Variants in CYP4A22 observed in about 807,000 individuals in gnomAD.
The protein encoded by CYP4A22 is cytochrome P450 4A22.
CYP4A22 carries 46 observed loss-of-function variants against 56.2 expected under a neutral mutation model. That is an observed-to-expected ratio of 0.82 (90% CI 0.65 to 1.05). The LOEUF (loss-of-function observed/expected upper bound fraction) is 1.05. Ranked by LOEUF, CYP4A22 falls within the 50% of genes least tolerant of loss-of-function variation. The pLI is 0.00. For missense variants in CYP4A22, 541 were observed against 645.9 expected (o/e 0.84, Z 1.76); for synonymous variants, 193 against 251.1 (o/e 0.77, Z 2.19).
rs769626452 is a variant in CYP4A22 at position 47,137,553 on chromosome 1, C to T, written c.68C>T (p.Ser23Phe). 1.2e-6 allele frequency: 2 copies of T among 1,614,218 alleles called. No individual in the cohort carries two copies. The highest frequency in any genetic ancestry group is 2.2e-5 in the South Asian group (2 of 91,084). The change falls in exon 1 of 12, where the codon TCC becomes TTC. Residue 23 changes from serine (S) to phenylalanine (F), a missense_variant. Transcript: ENST00000371891. ...GGVSGILQVT[S>F]LLILLLLLIK... The stretch of plus-strand genomic sequence containing the variant: ...GTCTCCGGGATCCTCCAAGTGACCT[C>T]CCTGCTCATTCTGCTTCTGCTGCTG...
chr1:47,140,381 T>C (rs1644994294), intron 1 of CYP4A22, among the ~76,000 whole-genome samples: 1 of 152,268 alleles, frequency 6.6e-6, no homozygotes, highest in African/African-American at 2.4e-5. Context: ...ATAACAAGTA[T>C]GATTATATAA....
intron 1 of CYP4A22, 132 bp downstream of exon 1, chr1:47,137,812 T>G: frequency 2.9e-6 from 4 of 1,395,320 alleles, no homozygotes; most frequent in Non-Finnish European, 3.8e-6. Context: ...CCAGCCTACC[T>G]CTCTGGTTTC....
In CYP4A22 at chr1:47,148,715, G is replaced by T. The variant is rs767886913; in HGVS notation, c.1478G>T (p.Arg493Leu). Residue 493 changes from arginine to leucine, a missense_variant, in exon 12 of 12, where the codon CGA (arginine) becomes CTA (leucine). Physicochemically the swap from Arg to Leu is moderately radical, Grantham distance 102 (BLOSUM62 -2). Around this residue, in one of 3 missense-constraint regions of CYP4A22, gnomAD observed 204 missense variants for 258.9 expected, o/e 0.79. Transcript: ENST00000371891. ...ACCAGGATCCCCATCCCCATGGCAC[G>T]ACTTGTGTTGAAATCCAAAAATGGA... ...DPTRIPIPMA[R>L]LVLKSKNGIH... 5.6e-6 allele frequency: 9 copies of T among 1,614,022 alleles called. No homozygotes were observed. The highest frequency in any genetic ancestry group is 6.8e-6 in the Non-Finnish European group (8 of 1,179,936).
At position 47,140,825 on chromosome 1, in the gene CYP4A22, A is replaced by G. The variant is rs192345500; in HGVS notation, c.241A>G (p.Thr81Ala). ...ACAACGGATTCAGGAACGGGTGAAG[A>G]CATTCCCAAGTGCCTGTCCTTATTG... ...ELQRIQERVK[T>A]FPSACPYWIW... Residue 81 changes from threonine (T) to alanine (A), a missense_variant, in exon 2 of 12, where the codon ACA becomes GCA. Transcript: ENST00000371891. The G allele has an allele frequency of 1.9e-6, 3 of 1,614,168 alleles. No individual in the cohort carries two copies. The highest frequency in any genetic ancestry group is 1.7e-5 in the Admixed American group (1 of 60,014).
chr1:47,141,416 T>C lies in CYP4A22; in HGVS notation c.338-155T>C, dbSNP rs551855179. On this transcript the variant is annotated intron_variant, in intron 2 of 11. Coordinates refer to ENST00000371891, the MANE Select transcript of CYP4A22 (RefSeq NM_001010969.4). The stretch of plus-strand genomic sequence containing the variant: ...CTGAGTCTGTCTTCCTGAGCCCACA[T>C]TGACCTTCAGGACAGAAATAGAAGT... 2.5e-4 allele frequency among the ~76,000 whole-genome samples: 38 copies of C among 152,306 alleles called. No homozygotes were observed. The South Asian group carries it at 4.4e-3, about 17-fold the overall frequency.
chr1:47,145,761 A>G, intron 9 of CYP4A22, 105 bp from the exon 10 acceptor site: 2 of 1,493,696 alleles, frequency 1.3e-6, no homozygotes, highest in Non-Finnish European at 9.1e-7. Context: ...GTGACAATTT[A>G]TAGAAAGTAG....
intron 3 of CYP4A22, among the ~76,000 whole-genome samples, 170 bp downstream of exon 3, chr1:47,141,785 A>G (rs1369924444): frequency 6.6e-6 from 1 of 152,136 alleles, no homozygotes; most frequent in East Asian, 1.9e-4. Context: ...TGCTGGTGCA[A>G]ACCTTCCTGA....
At chr1:47,140,675 A>G (rs764552337) in intron 1 of CYP4A22, 105 bp from the exon 2 acceptor site, 361 of 1,520,126 alleles carry the variant, frequency 2.4e-4, no homozygotes, top group Non-Finnish European at 3.2e-4. Context: ...ACAGATCTAA[A>G]TCCCTAACCC....
In CYP4A22 at chr1:47,144,953, G is replaced by T. The variant is rs148459778; in HGVS notation, c.1205G>T (p.Gly402Val). The stretch of plus-strand genomic sequence containing the variant: ...AGCACTCCCGTCACCTTCCCTGATG[G>T]GCGCTCCTTGCCCAAAGGTATGAAG... ...ELSTPVTFPD[G>V]RSLPKGIMVL... is the part of the protein sequence containing the mutation. Residue 402 changes from glycine to valine, a missense_variant, in exon 9 of 12, where the codon GGG becomes GTG. Around this residue, in one of 3 missense-constraint regions of CYP4A22, gnomAD observed 204 missense variants for 258.9 expected, o/e 0.79. Coordinates refer to ENST00000371891, the MANE Select transcript of CYP4A22 (RefSeq NM_001010969.4). The T allele has an allele frequency of 6.2e-7, 1 of 1,614,144 alleles. No homozygotes were observed. The highest frequency in any genetic ancestry group is 1.7e-5 in the Admixed American group (1 of 60,008).
chr1:47,137,719 G>C, intron 1 of CYP4A22, 39 bp downstream of exon 1: 1 of 1,573,114 alleles, frequency 6.4e-7, no homozygotes, highest in Non-Finnish European at 8.6e-7. Flanking sequence ...AGGGCAAGGA[G>C]GGATGCGGCT....
chr1:47,140,028 A>G (rs1644989904), intron 1 of CYP4A22, among the ~76,000 whole-genome samples: 1 of 152,220 alleles, frequency 6.6e-6, no homozygotes. Context: ...TGGAATTGCC[A>G]GCAGGGCTGG....
chr1:47,140,850 G>A lies in CYP4A22; in HGVS notation c.266G>A (p.Trp89Ter). 4 of 1,614,146 alleles carry A rather than the reference G, an allele frequency of 2.5e-6. No homozygotes were observed. The highest frequency in any genetic ancestry group is 3.4e-6 in the Non-Finnish European group (4 of 1,180,020). ...ACATTCCCAAGTGCCTGTCCTTATT[G>A]GATATGGGGAGGCAAAGTTCGTGTC... ...VKTFPSACPY[W>*]IWGGKVRVQL... Residue 89 changes from tryptophan to a stop codon, truncating the protein, a stop_gained, in exon 2 of 12, where the codon TGG becomes TAG. Coordinates refer to ENST00000371891, the MANE Select transcript of CYP4A22 (RefSeq NM_001010969.4). LOFTEE classifies it high-confidence loss of function.
In CYP4A22 at chr1:47,144,448, C is replaced by G; in HGVS notation, c.882C>G (p.Ile294Met). 1 of 1,614,002 alleles carries G rather than the reference C, an allele frequency of 6.2e-7. No homozygotes were observed. The highest frequency in any genetic ancestry group is 1.1e-5 in the South Asian group (1 of 91,076). The change falls in exon 7 of 12, where the codon ATC becomes ATG. Residue 294 changes from isoleucine (I) to methionine (M), a missense_variant. Coordinates refer to ENST00000371891, the MANE Select transcript of CYP4A22 (RefSeq NM_001010969.4). Reference sequence around the variant, plus strand: ...AGAGGCACTTGGATTTTCTGGACATCCTCCTCTTGGCCAAAGTGAGTATGT... The same window carrying G: ...AGAGGCACTTGGATTTTCTGGACATGCTCCTCTTGGCCAAAGTGAGTATGT... ...KRKRHLDFLD[I>M]LLLAKMENGS...
chr1:47,140,795 G>C lies in CYP4A22; in HGVS notation c.211G>C (p.Glu71Gln). 6.2e-7 allele frequency: 1 copy of C among 1,614,142 alleles called. No homozygotes were observed. The highest frequency in any genetic ancestry group is 8.5e-7 in the Non-Finnish European group (1 of 1,180,004). The change falls in exon 2 of 12, where the codon GAG (glutamate) becomes CAG (glutamine). Residue 71 changes from glutamate to glutamine, a missense_variant. This residue lies in a region of CYP4A22 where 335 missense variants were observed against 361.2 expected (regional missense o/e 0.93). Coordinates refer to ENST00000371891, the MANE Select transcript of CYP4A22 (RefSeq NM_001010969.4). The stretch of plus-strand genomic sequence containing the variant: ...TCGTTGACAGTTCCAACACGACCAG[G>C]AGCTACAACGGATTCAGGAACGGGT... ...GHIQEFQHDQ[E>Q]LQRIQERVKT...
Position 47,143,252 on chromosome 1 carries a change from G to A in CYP4A22, c.511-17G>A, listed in dbSNP as rs775331507. On this transcript the variant is annotated splice_polypyrimidine_tract_variant and intron_variant, in intron 4 of 11. Transcript: ENST00000371891. The stretch of plus-strand genomic sequence containing the variant: ...CTTCTTGGAGATTAAGAAGGTCCAT[G>A]CCCCCTCCCACCACAGGACAAATGG... The A allele has an allele frequency of 3.1e-5, 49 of 1,596,094 alleles. No individual in the cohort carries two copies. Among genetic ancestry groups the A allele is most frequent in the Non-Finnish European group, 3.8e-5 (45 of 1,170,678 alleles).
intron 11 of CYP4A22, 105 bp downstream of exon 11, chr1:47,146,258 G>A: frequency 1.3e-6 from 2 of 1,598,336 alleles, no homozygotes; most frequent in Non-Finnish European, 1.7e-6. Context: ...CTTCAGGTGT[G>A]CTCTTAAATA....
intron 6 of CYP4A22, 52 bp downstream of exon 6, chr1:47,143,968 C>T (rs1645044210): frequency 1.3e-6 from 2 of 1,565,358 alleles, no homozygotes; most frequent in Admixed American, 3.7e-5. Context: ...AGTGAAAGTA[C>T]CTGCCCTGAC....
intron 5 of CYP4A22, 38 bp from the exon 6 acceptor site, chr1:47,143,724 C>T (rs1256004199): frequency 1.3e-6 from 2 of 1,561,004 alleles, no homozygotes; most frequent in Non-Finnish European, 8.7e-7. Flanking sequence ...GTAATGGGCC[C>T]ACCCCTACTG....
chr1:47,147,482 A>G (rs1344916044), intron 11 of CYP4A22: 4 of 928,660 alleles, frequency 4.3e-6, no homozygotes, highest in Non-Finnish European at 5.1e-6. Context: ...TTGTACAGAA[A>G]TATATCCTGT....
Sources: gnomAD v4.1 joint callset for allele counts (sites outside exome capture counted in the v4.1 genomes callset) on GRCh38, gnomAD v4.1.1 for gene constraint, gnomAD v4.1.1 regional missense constraint, MANE v1.5 for transcripts, NCBI Gene and HGNC (gene_info 2026-07-23, HGNC 2026-07-21) for gene names.